The following SURF2 variants were observed in gnomAD, a reference collection of about 807,000 sequenced individuals.
SURF2 encodes surfeit 2, also known as surfeit locus protein 2.
A neutral mutation model predicts 26.2 loss-of-function variants in SURF2; 32 were observed. That is an observed-to-expected ratio of 1.22 (90% confidence interval 0.92 to 1.64). The LOEUF is 1.64. SURF2 is among the 40% of genes most tolerant of loss of function. SURF2 has a pLI of 0.00. For synonymous variants in SURF2, 173 were observed against 139.1 expected, an observed-to-expected ratio of 1.24 and a Z score of -1.71; for missense variants, 415 against 341.6, an observed-to-expected ratio of 1.21 and a Z score of -1.69.
rs2130056015 is a variant in SURF2 at position 133,360,980 on chromosome 9, G to C, written c.688-76G>C. 7 of 1,474,858 alleles carry C rather than the reference G, an allele frequency of 4.7e-6. No individual in the cohort carries two copies. In the East Asian group the frequency reaches 1.6e-4, roughly 33 times the overall value. The allele number at this position is 1,474,858 out of a possible 1,614,324, so 91.4% of individuals were successfully genotyped here. A position where few individuals can be genotyped will look rare whatever the true frequency, so the allele number is the denominator to read the frequency against. Reference sequence around the variant, plus strand: ...ACACCTCTGAGGCTGTGTGGGTGGGGAGAGCCCTGCACTCCAGGGCCCCTT... The same window carrying C: ...ACACCTCTGAGGCTGTGTGGGTGGGCAGAGCCCTGCACTCCAGGGCCCCTT... On this transcript the variant is annotated intron_variant, in intron 5 of 5. Transcript: ENST00000371964.
At chr9:133,358,251 C>T (rs1427838083) in intron 3 of SURF2, among the ~76,000 whole-genome samples, 1 of 152,148 alleles carries the variant, frequency 6.6e-6, no homozygotes, top group Non-Finnish European at 1.5e-5. Context: ...CTCCAAAGGA[C>T]TGGCTGGGCT....
chr9:133,357,624 C>A, intron 2 of SURF2, 87 bp from the exon 3 acceptor site: 1 of 1,277,166 alleles, frequency 7.8e-7, no homozygotes, highest in Non-Finnish European at 1.1e-6. Context: ...GCATGGTAGA[C>A]TGTCCAGGGA....
In SURF2 at chr9:133,359,981, C is replaced by T. The variant is rs2130045700; in HGVS notation, c.369C>T (p.Tyr123=). ...YEECQKQGVE[Y]VPACLVHRRR... ...AATGTCAGAAGCAAGGGGTGGAGTA[C>T]GTGCCTGCCTGCCTGGTGCACCGGA... The change falls in exon 4 of 6, where the codon TAC becomes TAT. Residue 123 remains tyrosine (Y), a synonymous_variant. Transcript: ENST00000371964. 3.2e-5 allele frequency: 52 copies of T among 1,613,096 alleles called. No individual in the cohort carries two copies. The highest frequency in any genetic ancestry group is 4.2e-5 in the Non-Finnish European group (49 of 1,179,502).
chr9:133,358,624 C>G lies in SURF2; in HGVS notation c.337+810C>G, dbSNP rs2130040286. On this transcript the variant is annotated intron_variant, in intron 3 of 5. Transcript: ENST00000371964. The stretch of plus-strand genomic sequence containing the variant: ...CCCAGGAAGAGGCTGGAAGTCCTCC[C>G]GTGGTACTGAAGGGAAGATGAGGAC... Among the ~76,000 whole-genome samples the G allele has an allele frequency of 1.5e-3, 233 of 152,150 alleles. 1 individual carries two copies. The highest frequency in any genetic ancestry group is 8.7e-3 in the South Asian group (42 of 4,806).
In SURF2 at chr9:133,356,610, C is replaced by T. The variant is rs1002014545; in HGVS notation, c.18C>T (p.Gly6=). MSELP[G]DVRAFLREHP... ...CGTCGGCCATGAGCGAGTTGCCGGG[C>T]GACGTGCGGGCGTTTCTGCGGGAGC... The change falls in exon 1 of 6, where the codon GGC becomes GGT. Residue 6 remains glycine, a synonymous_variant. Coordinates refer to ENST00000371964, the MANE Select transcript of SURF2 (RefSeq NM_017503.5). 42 of 1,524,780 alleles carry T rather than the reference C, an allele frequency of 2.8e-5. No individual in the cohort carries two copies. The highest frequency in any genetic ancestry group is 1.0e-4 in the East Asian group (4 of 39,342). The allele number at this position is 1,524,780 out of a possible 1,614,324, so 94.5% of individuals were successfully genotyped here.
chr9:133,356,566 C>T lies in SURF2; in HGVS notation c.-27C>T, dbSNP rs2130028012. Reference sequence around the variant, plus strand: ...CTCCAGGTTCTGCGAGCGGCTTCCGCCGGGCTGCTCCGCGGGCGCGTCGGC... The same window carrying T: ...CTCCAGGTTCTGCGAGCGGCTTCCGTCGGGCTGCTCCGCGGGCGCGTCGGC... On this transcript the variant is annotated 5_prime_UTR_variant, in exon 1 of 6. Coordinates refer to ENST00000371964, the MANE Select transcript of SURF2 (RefSeq NM_017503.5). 26 of 1,509,500 alleles carry T rather than the reference C, an allele frequency of 1.7e-5. No individual in the cohort carries two copies. Among genetic ancestry groups the T allele is most frequent in the Non-Finnish European group, 2.0e-5 (23 of 1,136,864 alleles). 93.5% of individuals were successfully genotyped at this position (1,509,500 alleles called of 1,614,324 possible).
At position 133,357,833 on chromosome 9, in the gene SURF2, C is replaced by T. The variant is rs1383089316; in HGVS notation, c.337+19C>T. The T allele has an allele frequency of 1.9e-6, 3 of 1,610,714 alleles. No homozygotes were observed. Among genetic ancestry groups the T allele is most frequent in the African/African-American group, 1.3e-5 (1 of 74,872 alleles). On this transcript the variant is annotated intron_variant, in intron 3 of 5. Coordinates refer to ENST00000371964, the MANE Select transcript of SURF2 (RefSeq NM_017503.5). ...TGTAAATGTAAGTCCCAGTGGACCCCCATCAGTGCATCGCCATCTGAGTGC... is the reference window on the plus strand; with the variant it reads ...TGTAAATGTAAGTCCCAGTGGACCCTCATCAGTGCATCGCCATCTGAGTGC...
At chr9:133,361,015 A>T (rs909368958) in intron 5 of SURF2, 41 bp from the exon 6 acceptor site, 1 of 1,609,690 alleles carries the variant, frequency 6.2e-7, no homozygotes, top group Non-Finnish European at 8.5e-7. Flanking sequence ...TCTCCATGGG[A>T]TCAGAAAGGC....
intron 5 of SURF2, 131 bp from the exon 6 acceptor site, chr9:133,360,925 G>A (rs953016946): frequency 8.8e-6 from 8 of 910,544 alleles, no homozygotes; most frequent in East Asian, 2.4e-5. Context: ...GGAAACGGGG[G>A]TGGAGAAAGC....
chr9:133,360,345 G>C lies in SURF2; in HGVS notation c.598G>C (p.Glu200Gln). ...TDDFLTDKED[E>Q]KAKPPREKAT... ...TGACTTTTTGACAGACAAAGAGGAT[G>C]AGAAGGCAAAGCCCCCAAGAGAGAA... Residue 200 changes from glutamate (E) to glutamine (Q), a missense_variant, in exon 5 of 6, where the codon GAG (glutamate) becomes CAG (glutamine). Transcript: ENST00000371964. 1 of 1,614,200 alleles carries C rather than the reference G, an allele frequency of 6.2e-7. No individual in the cohort carries two copies. The highest frequency in any genetic ancestry group is 8.5e-7 in the Non-Finnish European group (1 of 1,180,048).
intron 5 of SURF2, among the ~76,000 whole-genome samples, chr9:133,360,643 CTG>C (rs1167389632): frequency 1.3e-5 from 2 of 152,270 alleles, no homozygotes; most frequent in Non-Finnish European, 2.9e-5. Flanking sequence ...AAGCCAGGCT[CTG>C]TGGACCACGG....
intron 5 of SURF2, among the ~76,000 whole-genome samples, chr9:133,360,769 C>A (rs1036179422): frequency 1.3e-5 from 2 of 152,234 alleles, no homozygotes; most frequent in Non-Finnish European, 2.9e-5. Flanking sequence ...TTTGCCTTTG[C>A]CATCAGGGCA....
At chr9:133,359,792 G>C (rs1836705169) in intron 3 of SURF2, among the ~76,000 whole-genome samples, 158 bp from the exon 4 acceptor site, 1 of 152,258 alleles carries the variant, frequency 6.6e-6, no homozygotes, top group African/African-American at 2.4e-5. Flanking sequence ...TGCACACCTG[G>C]TAGGAACAGA....
At chr9:133,360,217 C>G in intron 4 of SURF2, 48 bp from the exon 5 acceptor site, 1 of 1,599,620 alleles carries the variant, frequency 6.3e-7, no homozygotes, top group South Asian at 1.1e-5. Flanking sequence ...AAGGTGGCAG[C>G]GAACTCAGCC....
chr9:133,358,859 T>C (rs1238580700), intron 3 of SURF2, among the ~76,000 whole-genome samples: 1 of 151,806 alleles, frequency 6.6e-6, no homozygotes, highest in Non-Finnish European at 1.5e-5. Context: ...CAGATTCAGG[T>C]TGGTTTGCGG....
Position 133,357,068 on chromosome 9 carries a change from C to T in SURF2, c.233C>T (p.Pro78Leu), listed in dbSNP as rs1273561313. 2.6e-6 allele frequency: 4 copies of T among 1,566,786 alleles called. No individual in the cohort carries two copies. In the South Asian group the frequency reaches 4.7e-5, roughly 18 times the overall value. ...CACATCGTGCCCAGCACCAAGAACC[C>T]GTAGGTGGTCCGCGGCGGCGCGGGG... Reference protein sequence around the residue: ...EPHIVPSTKNPHQLFCKLTLR... With the variant: ...EPHIVPSTKNLHQLFCKLTLR... The change falls in exon 2 of 6, where the codon CCG (proline) becomes CTG (leucine). Residue 78 changes from proline to leucine, a missense_variant and splice_region_variant. Pro to Leu is a moderately conservative substitution (Grantham distance 98). Coordinates refer to ENST00000371964, the MANE Select transcript of SURF2 (RefSeq NM_017503.5).
intron 2 of SURF2, 77 bp downstream of exon 2, chr9:133,357,145 G>GC: frequency 7.1e-7 from 1 of 1,405,006 alleles, no homozygotes; most frequent in Non-Finnish European, 9.3e-7. Context: ...CAGTGCTGCA[G>GC]CCCCTACTCT....
intron 1 of SURF2, 58 bp downstream of exon 1, chr9:133,356,728 C>A (rs1172562764): frequency 3.0e-6 from 4 of 1,332,556 alleles, no homozygotes; most frequent in Non-Finnish European, 4.0e-6. Flanking sequence ...GGATGAGGGG[C>A]TGAGGGGAGG....
rs1836646269 is a variant in SURF2 at position 133,357,732 on chromosome 9, C to T, written c.255C>T (p.Leu85=). 1.2e-6 allele frequency: 2 copies of T among 1,613,844 alleles called. No homozygotes were observed. Among genetic ancestry groups the T allele is most frequent in the African/African-American group, 1.3e-5 (1 of 75,074 alleles). ...TKNPHQLFCK[L]TLRHINKCPE... ...GTAGGCACCAGTTGTTCTGCAAACT[C>T]ACCCTGCGGCACATCAACAAGTGCC... Residue 85 remains leucine (L), a synonymous_variant, in exon 3 of 6, where the codon CTC becomes CTT. Transcript: ENST00000371964.
Sources: allele counts gnomAD v4.1 joint callset (sites outside exome capture counted in the v4.1 genomes callset), GRCh38; gene constraint gnomAD v4.1.1; transcripts MANE v1.5; gene names NCBI Gene and HGNC (gene_info 2026-07-23, HGNC 2026-07-21).